KLRG2: variants seen among roughly 807,000 people sequenced by gnomAD.
KLRG2 encodes the protein killer cell lectin like receptor G2, also known as killer cell lectin-like receptor subfamily G member 2.
A neutral mutation model predicts 35.4 loss-of-function variants in KLRG2; 39 were observed. That is an observed-to-expected ratio of 1.10 (90% CI 0.85 to 1.44). KLRG2 has a LOEUF of 1.44. KLRG2 is among the 40% of genes most tolerant of loss of function. KLRG2 has a pLI of 0.00. For synonymous variants in KLRG2, 283 were observed against 265.8 expected, an observed-to-expected ratio of 1.06 and a Z score of -0.63; for missense variants, 632 against 570.9, an observed-to-expected ratio of 1.11 and a Z score of -1.09.
chr7:139,480,329 C>T, intron 1 of KLRG2, 82 bp from the exon 2 acceptor site: 1 of 760,432 alleles, frequency 1.3e-6, no homozygotes, highest in Non-Finnish European at 2.4e-6. Flanking sequence ...CACAGCACAC[C>T]AGCATCTCAC....
At chr7:139,453,902 G>T (rs949843329) in intron 4 of KLRG2, among the ~76,000 whole-genome samples, 195 bp from the exon 5 acceptor site, 1 of 152,208 alleles carries the variant, frequency 6.6e-6, no homozygotes, top group African/African-American at 2.4e-5. Context: ...TCTGTAAAAT[G>T]GGGGTGACAA....
chr7:139,462,130 C>T (rs1310559246), intron 3 of KLRG2, among the ~76,000 whole-genome samples: 4 of 152,128 alleles, frequency 2.6e-5, no homozygotes, highest in Non-Finnish European at 4.4e-5. Flanking sequence ...AGACAGGAGA[C>T]GCGTTTTATC....
the KLRG2 span, among the ~76,000 whole-genome samples, chr7:139,445,356 A>C: frequency 3.9e-5 from 6 of 152,258 alleles, no homozygotes; most frequent in Non-Finnish European, 8.8e-5. Flanking sequence ...TGCTGGGATT[A>C]CAGGCGTGAG....
chr7:139,448,187 G>A (rs1366651604), downstream of KLRG2, among the ~76,000 whole-genome samples: 1 of 151,836 alleles, frequency 6.6e-6, no homozygotes, highest in Non-Finnish European at 1.5e-5. Context: ...GTAGAGATGG[G>A]GTCTCACCAT....
chr7:139,479,524 CT>C (rs1796915348), intron 3 of KLRG2, 102 bp downstream of exon 3: 2 of 1,212,590 alleles, frequency 1.6e-6, no homozygotes, highest in Admixed American at 4.1e-5. Context: ...TTGGTGATTT[CT>C]ATAATGAAGA....
intron 2 of KLRG2, 114 bp from the exon 3 acceptor site, chr7:139,479,886 G>A: frequency 8.0e-7 from 1 of 1,244,158 alleles, no homozygotes; most frequent in Non-Finnish European, 1.1e-6. Flanking sequence ...AGGTGGGCAG[G>A]GCCCCAGGGA....
At chr7:139,480,097 A>G in intron 2 of KLRG2, 49 bp downstream of exon 2, 1 of 1,232,512 alleles carries the variant, frequency 8.1e-7, no homozygotes, top group Non-Finnish European at 1.2e-6. Flanking sequence ...ACACAGCCCC[A>G]GTAGTGGAGC....
chr7:139,457,463 G>C (rs1264910502), intron 3 of KLRG2, among the ~76,000 whole-genome samples: 1 of 152,182 alleles, frequency 6.6e-6, no homozygotes, highest in African/African-American at 2.4e-5. Flanking sequence ...CAACCTTTCA[G>C]AGCCGCTGTG....
At chr7:139,457,618 G>A (rs1796499499) in intron 3 of KLRG2, among the ~76,000 whole-genome samples, 3 of 152,166 alleles carry the variant, frequency 2.0e-5, no homozygotes, top group Middle Eastern at 6.8e-3. Context: ...CTACACACAT[G>A]AGCCCCTTTG....
the KLRG2 span, among the ~76,000 whole-genome samples, chr7:139,446,336 GTTT>G: frequency 0.078 from 7,176 of 91,998 alleles, 564 homozygotes; most frequent in African/African-American, 0.23. Flanking sequence ...ATTTTCCAGG[GTTT>G]TTTTTTTTTT....
chr7:139,433,053 T>TA, the KLRG2 span, among the ~76,000 whole-genome samples: 3 of 152,194 alleles, frequency 2.0e-5, no homozygotes, highest in African/African-American at 7.2e-5. Context: ...AGAACCACTT[T>TA]AGGTGCTTTC....
rs574565376 is a variant in KLRG2 at position 139,468,963 on chromosome 7, C to T, written c.1005+10664G>A. 7.2e-5 allele frequency among the ~76,000 whole-genome samples: 11 copies of T among 152,182 alleles called. No individual in the cohort carries two copies. In the South Asian group the frequency reaches 2.3e-3, roughly 32 times the overall value. On this transcript the variant is annotated intron_variant, in intron 3 of 4. Transcript: ENST00000340940. ...GAGAGACACTAGAGATGGGAGGGCACAGGATTGCCATGTGAGGACACAGGG... is the reference window on the plus strand; with the variant it reads ...GAGAGACACTAGAGATGGGAGGGCATAGGATTGCCATGTGAGGACACAGGG...
chr7:139,472,170 A>C (rs1796768760), intron 3 of KLRG2, among the ~76,000 whole-genome samples: 1 of 152,232 alleles, frequency 6.6e-6, no homozygotes, highest in Non-Finnish European at 1.5e-5. Flanking sequence ...GGGACAGTCC[A>C]ACAAAACGTC....
At position 139,465,716 on chromosome 7, in the gene KLRG2, A is replaced by G. The variant is rs1015802885; in HGVS notation, c.1006-11502T>C. Among the ~76,000 whole-genome samples the G allele has an allele frequency of 1.7e-4, 26 of 151,844 alleles. No individual in the cohort carries two copies. In the East Asian group the frequency reaches 1.7e-3, roughly 10 times the overall value. On this transcript the variant is annotated intron_variant, in intron 3 of 4. Coordinates refer to ENST00000340940, the MANE Select transcript of KLRG2 (RefSeq NM_198508.4). Reference sequence around the variant, plus strand: ...CAAAAAAAAAAAAAAAGAAAGAAAGAAAGGAAGGAAGCTAGAGTCATTCAC... The same window carrying G: ...CAAAAAAAAAAAAAAAGAAAGAAAGGAAGGAAGGAAGCTAGAGTCATTCAC...
At chr7:139,459,087 TATG>T (rs1569410874) in intron 3 of KLRG2, among the ~76,000 whole-genome samples, 1 of 152,262 alleles carries the variant, frequency 6.6e-6, no homozygotes, top group Admixed American at 6.5e-5. Context: ...TTACCCAGAC[TATG>T]ATATGTTTTC....
intron 1 of KLRG2, among the ~76,000 whole-genome samples, chr7:139,482,242 G>A (rs570019527): frequency 3.9e-5 from 6 of 152,178 alleles, no homozygotes; most frequent in Non-Finnish European, 5.9e-5. Context: ...GGGATGGGGG[G>A]ATCTGGGCTG....
chr7:139,463,694 T>A (rs538299344), intron 3 of KLRG2, among the ~76,000 whole-genome samples: 1 of 152,148 alleles, frequency 6.6e-6, no homozygotes, highest in South Asian at 2.1e-4. Flanking sequence ...AACCCCAGAG[T>A]CCCTGGAACT....
Position 139,482,901 on chromosome 7 carries a change from C to A in KLRG2, c.742G>T (p.Ala248Ser), listed in dbSNP as rs780924983. 5 of 1,488,958 alleles carry A rather than the reference C, an allele frequency of 3.4e-6. No homozygotes were observed. Among genetic ancestry groups the A allele is most frequent in the South Asian group, 2.6e-5 (2 of 76,860 alleles). 92.2% of individuals were successfully genotyped at this position (1,488,958 alleles called of 1,614,324 possible). The change falls in exon 1 of 5, where the codon GCC becomes TCC. Residue 248 changes from alanine (A) to serine (S), a missense_variant. Physicochemically the swap from Ala to Ser is moderately conservative, Grantham distance 99. Coordinates refer to ENST00000340940, the MANE Select transcript of KLRG2 (RefSeq NM_198508.4). ...GAGCACTCACCCGTAAGCGTTACGG[C>A]CCGGGGCAGCTTCTCGTCGCCGTCC... Reference protein sequence around the residue: ...GLDGDEKLPRAVTLTGLPMYV... With the variant: ...GLDGDEKLPRSVTLTGLPMYV...
At position 139,483,446 on chromosome 7, in the gene KLRG2, C is replaced by A. The variant is rs746562564; in HGVS notation, c.197G>T (p.Ser66Ile). 6.3e-7 allele frequency: 1 copy of A among 1,576,704 alleles called. No individual in the cohort carries two copies. The highest frequency in any genetic ancestry group is 1.1e-5 in the South Asian group (1 of 88,030). Residue 66 changes from serine (S) to isoleucine (I), a missense_variant, in exon 1 of 5, where the codon AGC becomes ATC. By Grantham distance (142) the Ser-to-Ile change is moderately radical (BLOSUM62 -2). Coordinates refer to ENST00000340940, the MANE Select transcript of KLRG2 (RefSeq NM_198508.4). ...KAAGAGLEPSSKKKPPSPRPG... is the reference protein window; with the variant it reads ...KAAGAGLEPSIKKKPPSPRPG... ...GCGAGGCGAAGGCGGCTTTTTCTTG[C>A]TCGAGGGCTCCAGGCCTGCGCCCGC...
Sources: gnomAD v4.1 joint callset for allele counts (sites outside exome capture counted in the v4.1 genomes callset) on GRCh38, gnomAD v4.1.1 for gene constraint, MANE v1.5 for transcripts, NCBI Gene and HGNC (gene_info 2026-07-23, HGNC 2026-07-21) for gene names.